Variants in GALNT13 observed in about 807,000 individuals in gnomAD.
The protein encoded by GALNT13 is polypeptide N-acetylgalactosaminyltransferase 13.
In GALNT13, 28 loss-of-function variants were observed where a neutral mutation model predicts 64.2. That is an observed-to-expected ratio of 0.44 (90% CI 0.32 to 0.60). The LOEUF (loss-of-function observed/expected upper bound fraction) is 0.60. GALNT13 is among the 20% of genes least tolerant of loss of function. The pLI is 0.05. For synonymous variants in GALNT13, 214 were observed against 224.6 expected (o/e 0.95, Z 0.42); for missense variants, 577 against 669.8 (o/e 0.86, Z 1.53).
chr2:154,150,739 G>T (rs974405298), intron 4 of GALNT13, among the ~76,000 whole-genome samples: 1 of 152,202 alleles, frequency 6.6e-6, no homozygotes, highest in East Asian at 1.9e-4. Context: ...AGTATTCTCA[G>T]ATGGTAGTTT....
At chr2:154,246,019 C>T (rs764609565) in intron 7 of GALNT13, 37 bp downstream of exon 7, 11 of 1,430,846 alleles carry the variant, frequency 7.7e-6, no homozygotes, top group South Asian at 1.3e-5. Context: ...TATGTATATC[C>T]CCCTAAAAAT....
At chr2:154,373,647 C>A (rs1295276625) in intron 9 of GALNT13, among the ~76,000 whole-genome samples, 1 of 152,154 alleles carries the variant, frequency 6.6e-6, no homozygotes, top group East Asian at 1.9e-4. Context: ...AAGAGCATCC[C>A]ATGTTTCCAC....
chr2:153,280,952 G>C, the GALNT13 span, among the ~76,000 whole-genome samples: 1 of 152,314 alleles, frequency 6.6e-6, no homozygotes, highest in Non-Finnish European at 1.5e-5. Flanking sequence ...GCGCAATGCT[G>C]TAAGTGGATT....
the GALNT13 span, among the ~76,000 whole-genome samples, chr2:153,757,912 T>C: frequency 1.2e-4 from 18 of 152,170 alleles, no homozygotes; most frequent in Admixed American, 2.0e-4. Flanking sequence ...GGCTTGCAAA[T>C]ATTTTCTCTC....
rs1691634801 is a variant in GALNT13 at position 154,276,068 on chromosome 2, C to A, written c.975+16930C>A. ...GGGTATATTTACCCAGTGCCTGTAC[C>A]CCCATTGTATCTAGGAGGTAACTAA... On this transcript the variant is annotated intron_variant, in intron 8 of 12. Transcript: ENST00000392825. 3.3e-5 allele frequency among the ~76,000 whole-genome samples: 5 copies of A among 152,114 alleles called. No individual in the cohort carries two copies. The South Asian group carries it at 1.0e-3, about 32-fold the overall frequency.
At chr2:153,545,211 G>C in the GALNT13 span, among the ~76,000 whole-genome samples, 1 of 152,136 alleles carries the variant, frequency 6.6e-6, no homozygotes, top group Admixed American at 6.5e-5. Context: ...AATTTGTTAA[G>C]CTCCTGCTCA....
intron 7 of GALNT13, among the ~76,000 whole-genome samples, chr2:154,252,105 C>A (rs1035205115): frequency 6.6e-6 from 1 of 151,592 alleles, no homozygotes; most frequent in Non-Finnish European, 1.5e-5. Context: ...TAAATAATAG[C>A]TTAGAACTAA....
intron 9 of GALNT13, among the ~76,000 whole-genome samples, chr2:154,305,335 C>A (rs1203896826): frequency 6.6e-6 from 1 of 152,026 alleles, no homozygotes; most frequent in Non-Finnish European, 1.5e-5. Context: ...GAGCTACATG[C>A]ATTCACATCC....
the GALNT13 span, among the ~76,000 whole-genome samples, chr2:153,525,530 C>T: frequency 6.6e-6 from 1 of 152,144 alleles, no homozygotes; most frequent in Non-Finnish European, 1.5e-5. Context: ...TGAGCTCTAC[C>T]TCCTGTCATA....
At chr2:153,798,980 A>G in the GALNT13 span, among the ~76,000 whole-genome samples, 1 of 152,124 alleles carries the variant, frequency 6.6e-6, no homozygotes, top group African/African-American at 2.4e-5. Flanking sequence ...TTTTCACATC[A>G]TCTAGATATA....
At chr2:154,446,639 T>A in intron 12 of GALNT13, 1 of 1,548,854 alleles carries the variant, frequency 6.5e-7, no homozygotes, top group Non-Finnish European at 8.7e-7. Context: ...GCTCCCAGCA[T>A]CCTACTGTGG....
At chr2:153,421,726 C>T in the GALNT13 span, 59,334 of 272,862 alleles carry the variant, frequency 0.22, 7,067 homozygotes, top group Non-Finnish European at 0.24. Context: ...GTGGTAGGTG[C>T]CAGTGCAAAC....
At chr2:154,343,823 T>TA (rs904711816) in intron 9 of GALNT13, among the ~76,000 whole-genome samples, 1 of 152,106 alleles carries the variant, frequency 6.6e-6, no homozygotes, top group Middle Eastern at 3.2e-3. Context: ...AGAAAATATT[T>TA]AAAAAACTTT....
At chr2:153,817,921 C>T in the GALNT13 span, among the ~76,000 whole-genome samples, 1 of 152,084 alleles carries the variant, frequency 6.6e-6, no homozygotes, top group African/African-American at 2.4e-5. Flanking sequence ...AGCTGGCTGA[C>T]TAGAAGCAGC....
the GALNT13 span, among the ~76,000 whole-genome samples, chr2:153,168,944 A>C: frequency 6.6e-6 from 1 of 152,014 alleles, no homozygotes; most frequent in Admixed American, 6.5e-5. Flanking sequence ...AGCTTTCTTT[A>C]AGCCTCTTTT....
At chr2:153,246,212 T>C in the GALNT13 span, among the ~76,000 whole-genome samples, 4 of 152,086 alleles carry the variant, frequency 2.6e-5, no homozygotes, top group African/African-American at 9.7e-5. Context: ...GGAATCAACT[T>C]GAAAAACATA....
the GALNT13 span, among the ~76,000 whole-genome samples, chr2:153,177,973 T>G: frequency 6.6e-6 from 1 of 152,212 alleles, no homozygotes; most frequent in Non-Finnish European, 1.5e-5. Flanking sequence ...GTATTTGTTT[T>G]TCCGTGACTG....
At chr2:153,231,137 T>C in the GALNT13 span, among the ~76,000 whole-genome samples, 1 of 152,266 alleles carries the variant, frequency 6.6e-6, no homozygotes, top group African/African-American at 2.4e-5. Flanking sequence ...CTCTAGCTAA[T>C]GGAGATACTC....
At chr2:153,256,209 C>G in the GALNT13 span, among the ~76,000 whole-genome samples, 1 of 151,618 alleles carries the variant, frequency 6.6e-6, no homozygotes, top group Non-Finnish European at 1.5e-5. Flanking sequence ...CGCTTCATTT[C>G]ATTCATTTCA....
Sources: gnomAD v4.1 joint callset for allele counts (sites outside exome capture counted in the v4.1 genomes callset) on GRCh38, gnomAD v4.1.1 for gene constraint, MANE v1.5 for transcripts, NCBI Gene and HGNC (gene_info 2026-07-23, HGNC 2026-07-21) for gene names.